The following ARHGEF28 variants were observed in gnomAD, a reference collection of about 807,000 sequenced individuals.
ARHGEF28 encodes Rho guanine nucleotide exchange factor 28, also known as 190 kDa guanine nucleotide exchange factor.
ARHGEF28 carries 152 observed loss-of-function variants against 206.6 expected under a neutral mutation model. The observed-to-expected ratio is 0.74, with a 90% CI of 0.64 to 0.84. The LOEUF is 0.84. Ranked by LOEUF, ARHGEF28 falls within the 40% of genes least tolerant of loss-of-function variation. The pLI is 0.00. For synonymous variants in ARHGEF28, 763 were observed against 776.4 expected (o/e 0.98, Z 0.29); for missense variants, 2,028 against 2,073.2 (o/e 0.98, Z 0.42).
chr5:73,673,892 A>T (rs541932903), intron 1 of ARHGEF28, among the ~76,000 whole-genome samples: 1 of 151,992 alleles, frequency 6.6e-6, no homozygotes, highest in South Asian at 2.1e-4. Context: ...GACATACTGT[A>T]GGCCGGGGCA....
At chr5:73,863,062 T>A (rs34445952) in intron 16 of ARHGEF28, 6 of 151,846 alleles carry the variant, frequency 4.0e-5, no homozygotes, top group African/African-American at 1.5e-4. Flanking sequence ...CCAACATTGC[T>A]GCAACAGATG....
At chr5:73,901,134 C>T (rs1454793068) in intron 30 of ARHGEF28, 50 bp from the exon 31 acceptor site, 17 of 1,512,308 alleles carry the variant, frequency 1.1e-5, no homozygotes, top group East Asian at 2.3e-5. Context: ...GTGGGCTGGC[C>T]GATGTTTGAC....
chr5:73,648,129 G>C (rs1744558115), intron 1 of ARHGEF28, among the ~76,000 whole-genome samples: 1 of 152,088 alleles, frequency 6.6e-6, no homozygotes, highest in African/African-American at 2.4e-5. Flanking sequence ...ATTCTTGGGG[G>C]GATGGATTTA....
chr5:73,886,544 G>T (rs1331000396), intron 25 of ARHGEF28, among the ~76,000 whole-genome samples: 2 of 152,192 alleles, frequency 1.3e-5, no homozygotes, highest in East Asian at 3.8e-4. Context: ...CTGACTAATA[G>T]AATATATCCA....
At chr5:73,803,605 C>T (rs1755266315) in intron 9 of ARHGEF28, 1 of 159,438 alleles carries the variant, frequency 6.3e-6, no homozygotes, top group Non-Finnish European at 1.5e-5. Flanking sequence ...ATCATGGGGA[C>T]TCTATGTGCC....
Position 73,909,910 on chromosome 5 carries a change from T to G in ARHGEF28, c.4647+13T>G. On this transcript the variant is annotated intron_variant, in intron 34 of 35. Coordinates refer to ENST00000513042, the MANE Select transcript of ARHGEF28 (RefSeq NM_001177693.2). ...GGGTGGCCCCGAGGTATGGACCTTC[T>G]GCGGTGCTGTGAGGCAGCCTCTCAA... 6.7e-7 allele frequency: 1 copy of G among 1,489,958 alleles called. No homozygotes were observed. Among genetic ancestry groups the G allele is most frequent in the South Asian group, 1.4e-5 (1 of 73,356 alleles). The allele number at this position is 1,489,958 out of a possible 1,614,324, so 92.3% of individuals were successfully genotyped here.
chr5:73,777,164 C>A (rs1434870001), intron 6 of ARHGEF28, among the ~76,000 whole-genome samples: 1 of 152,120 alleles, frequency 6.6e-6, no homozygotes, highest in Admixed American at 6.6e-5. Flanking sequence ...GAGGTTTTCA[C>A]CTTCCCATCA....
At chr5:73,920,762 A>G (rs981483917) in intron 35 of ARHGEF28, among the ~76,000 whole-genome samples, 1 of 152,072 alleles carries the variant, frequency 6.6e-6, no homozygotes, top group Non-Finnish European at 1.5e-5. Flanking sequence ...AGAATATTGT[A>G]TACATATAGC....
intron 14 of ARHGEF28, among the ~76,000 whole-genome samples, chr5:73,857,137 G>T (rs1759095717): frequency 6.6e-6 from 1 of 152,092 alleles, no homozygotes; most frequent in African/African-American, 2.4e-5. Context: ...GCACCGAGTG[G>T]CAGTCAGTCT....
intron 2 of ARHGEF28, among the ~76,000 whole-genome samples, chr5:73,737,612 C>T (rs1057147073): frequency 2.0e-5 from 3 of 151,182 alleles, no homozygotes; most frequent in African/African-American, 4.9e-5. Context: ...CCCGGGTTCA[C>T]GCGATTCTTC....
At chr5:73,840,890 A>G in intron 11 of ARHGEF28, 130 bp downstream of exon 11, 4 of 1,045,510 alleles carry the variant, frequency 3.8e-6, no homozygotes, top group Non-Finnish European at 5.4e-6. Context: ...GTCCCCTTTT[A>G]GGTTCCTATA....
chr5:73,870,644 C>T (rs1029625027), intron 21 of ARHGEF28, among the ~76,000 whole-genome samples: 2 of 152,106 alleles, frequency 1.3e-5, no homozygotes, highest in Admixed American at 1.3e-4. Context: ...CTGCATACAC[C>T]AGCCATTCAC....
intron 11 of ARHGEF28, among the ~76,000 whole-genome samples, chr5:73,845,219 G>A (rs750797903): frequency 2.2e-4 from 33 of 152,006 alleles, no homozygotes; most frequent in African/African-American, 5.3e-4. Context: ...TAGTTTCACC[G>A]TGTTAGCCAG....
chr5:73,833,535 T>C lies in ARHGEF28; in HGVS notation c.1146+1076T>C, dbSNP rs889609197. ...GCTGTAAATAACTGGTATAGTTGTTTTGGTATAAACTAACTGAAGGTCAGT... is the reference window on the plus strand; with the variant it reads ...GCTGTAAATAACTGGTATAGTTGTTCTGGTATAAACTAACTGAAGGTCAGT... On this transcript the variant is annotated intron_variant, in intron 10 of 35. Coordinates refer to ENST00000513042, the MANE Select transcript of ARHGEF28 (RefSeq NM_001177693.2). Among the ~76,000 whole-genome samples, 13 of 152,128 alleles carry C rather than the reference T, an allele frequency of 8.5e-5. No individual in the cohort carries two copies. In the South Asian group the frequency reaches 2.5e-3, roughly 29 times the overall value.
intron 12 of ARHGEF28, among the ~76,000 whole-genome samples, chr5:73,848,455 C>T (rs1202135435): frequency 6.6e-6 from 1 of 152,108 alleles, no homozygotes; most frequent in African/African-American, 2.4e-5. Flanking sequence ...TGTATATTAA[C>T]TGGATATATT....
chr5:73,840,537 C>T lies in ARHGEF28; in HGVS notation c.1204C>T (p.Pro402Ser), dbSNP rs747682514. 1.2e-6 allele frequency: 2 copies of T among 1,613,726 alleles called. No individual in the cohort carries two copies. Among genetic ancestry groups the T allele is most frequent in the South Asian group, 1.1e-5 (1 of 91,080 alleles). Reference protein sequence around the residue: ...NIEGITATTSPESRGCTLWPQ... With the variant: ...NIEGITATTSSESRGCTLWPQ... ...AGAGGGAATCACTGCCACTACCAGC[C>T]CTGAATCCAGAGGTTGCACTCTGTG... The change falls in exon 11 of 36, where the codon CCT (proline) becomes TCT (serine). Residue 402 changes from proline to serine, a missense_variant. By Grantham distance (74) the Pro-to-Ser change is moderately conservative. Transcript: ENST00000513042.
At chr5:73,933,502 A>G (rs983418653) in intron 35 of ARHGEF28, among the ~76,000 whole-genome samples, 7 of 152,270 alleles carry the variant, frequency 4.6e-5, no homozygotes, top group African/African-American at 1.4e-4. Flanking sequence ...GAGGCTTCTA[A>G]TTTATTGCCC....
At chr5:73,707,407 T>C (rs756266945) in intron 2 of ARHGEF28, among the ~76,000 whole-genome samples, 1 of 152,210 alleles carries the variant, frequency 6.6e-6, no homozygotes, top group African/African-American at 2.4e-5. Flanking sequence ...TGGGGATTCA[T>C]ATCTGCCTCT....
chr5:73,762,455 CAAAA>C (rs35028103), intron 4 of ARHGEF28, among the ~76,000 whole-genome samples: 1 of 66,870 alleles, frequency 1.5e-5, no homozygotes, highest in Non-Finnish European at 3.4e-5. Context: ...GACTCCCTCT[CAAAA>C]AAAAAAAAAA....
Sources: allele counts gnomAD v4.1 joint callset (sites outside exome capture counted in the v4.1 genomes callset), GRCh38; gene constraint gnomAD v4.1.1; transcripts MANE v1.5; gene names NCBI Gene and HGNC (gene_info 2026-07-23, HGNC 2026-07-21).